SBSPON: variants seen among roughly 807,000 people sequenced by gnomAD.
SBSPON encodes the protein somatomedin B and thrombospondin type 1 domain containing.
A neutral mutation model predicts 35.8 loss-of-function variants in SBSPON; 30 were observed. The ratio of observed to expected loss-of-function variants is 0.84; its 90% confidence interval spans 0.63 to 1.14. The LOEUF is 1.14. Among genes scored for constraint, SBSPON ranks in the 50% most tolerant of loss-of-function variants. The probability of loss-of-function intolerance (pLI) is 0.00; values close to 1 mark genes in which losing one functional copy is unlikely to be tolerated. For synonymous variants in SBSPON, 136 were observed against 135.9 expected (o/e 1.00, Z 0.00); for missense variants, 364 against 357.7 (o/e 1.02, Z -0.14).
intron 1 of SBSPON, among the ~76,000 whole-genome samples, chr8:73,088,688 G>GAA (rs138206539): frequency 1.5e-4 from 22 of 150,408 alleles, no homozygotes; most frequent in Non-Finnish European, 2.7e-4. Flanking sequence ...ATCTCAAAAA[G>GAA]AAAAAAAAAG....
In SBSPON at chr8:73,066,719, ACTT is replaced by A. The variant is rs1047444503; in HGVS notation, c.*619_*621del. 7.2e-5 allele frequency: 11 copies of A among 152,130 alleles called. No homozygotes were observed. Among genetic ancestry groups the A allele is most frequent in the African/African-American group, 2.4e-4 (10 of 41,444 alleles). The allele number at this position is 152,130 out of a possible 1,614,324, so 9.4% of individuals were successfully genotyped here. On this transcript the variant is annotated 3_prime_UTR_variant, in exon 5 of 5. Transcript: ENST00000297354. ...CCTACAATGAGCATTTGATCCTTTC[ACTT>A]CTTAAGCAAAAAAAAAATTTCTTCT...
intron 1 of SBSPON, among the ~76,000 whole-genome samples, chr8:73,092,645 G>A (rs1198102751): frequency 1.3e-5 from 2 of 152,130 alleles, no homozygotes; most frequent in East Asian, 1.9e-4. Context: ...CTTGGGGGTG[G>A]GGGGACACTT....
intron 1 of SBSPON, among the ~76,000 whole-genome samples, chr8:73,090,640 A>T (rs968085639): frequency 6.6e-6 from 1 of 152,178 alleles, no homozygotes; most frequent in African/African-American, 2.4e-5. Flanking sequence ...AGGCACAGGG[A>T]ATTTCTCAAC....
At chr8:73,078,334 G>T (rs919875582) in intron 2 of SBSPON, among the ~76,000 whole-genome samples, 4 of 152,208 alleles carry the variant, frequency 2.6e-5, no homozygotes, top group Non-Finnish European at 5.9e-5. Context: ...GGAGGGGAAT[G>T]CTGGGGACCA....
At chr8:73,076,002 A>G (rs1275841822) in intron 2 of SBSPON, among the ~76,000 whole-genome samples, 1 of 152,210 alleles carries the variant, frequency 6.6e-6, no homozygotes, top group East Asian at 1.9e-4. Context: ...TTCAGGGATC[A>G]TGTTTCCTTC....
At chr8:73,075,695 G>A (rs568024770) in intron 2 of SBSPON, 21 of 422,980 alleles carry the variant, frequency 5.0e-5, no homozygotes, top group Admixed American at 2.6e-4. Flanking sequence ...ATTTCATAAC[G>A]CCCTCTGACA....
In SBSPON at chr8:73,065,109, C is replaced by CTGTT. The variant is rs1196721216; in HGVS notation, c.*2228_*2231dup. On this transcript the variant is annotated 3_prime_UTR_variant, in exon 5 of 5. Coordinates refer to ENST00000297354, the MANE Select transcript of SBSPON (RefSeq NM_153225.4). Reference sequence around the variant, plus strand: ...AAAATTAATAACAAGCTTTTCAAAACTGTTATTTAACAGTTAACTCCTCTA... The same window carrying CTGTT: ...AAAATTAATAACAAGCTTTTCAAAACTGTTTGTTATTTAACAGTTAACTCCTCTA... 6 of 152,260 alleles carry CTGTT rather than the reference C, an allele frequency of 3.9e-5. No homozygotes were observed. Among genetic ancestry groups the CTGTT allele is most frequent in the Non-Finnish European group, 8.8e-5 (6 of 68,022 alleles). The allele number at this position is 152,260 out of a possible 1,614,324, so 9.4% of individuals were successfully genotyped here.
Position 73,081,060 on chromosome 8 carries a change from T to G in SBSPON, c.368A>C (p.Glu123Ala). 1.2e-6 allele frequency: 2 copies of G among 1,612,034 alleles called. No individual in the cohort carries two copies. Among genetic ancestry groups the G allele is most frequent in the South Asian group, 2.2e-5 (2 of 90,638 alleles). The part of the protein sequence containing the change: ...PPLEERAGCL[E>A]YSTPQGQDCG... ...GTCCTGGCCCTGCGGGGTGGAGTAC[T>G]CCAGGCAGCCAGCTCTCTCTTCCAG... is the stretch of plus-strand genomic sequence containing the variant. The change falls in exon 2 of 5, where the codon GAG becomes GCG. Residue 123 changes from glutamate to alanine, a missense_variant. Coordinates refer to ENST00000297354, the MANE Select transcript of SBSPON (RefSeq NM_153225.4).
At chr8:73,075,231 G>A (rs572009157) in intron 2 of SBSPON, among the ~76,000 whole-genome samples, 13 of 152,282 alleles carry the variant, frequency 8.5e-5, no homozygotes, top group African/African-American at 2.6e-4. Flanking sequence ...GGATTAGGGT[G>A]CATCCTAAGA....
chr8:73,076,094 A>G (rs1422618180), intron 2 of SBSPON, among the ~76,000 whole-genome samples: 1 of 152,214 alleles, frequency 6.6e-6, no homozygotes, highest in African/African-American at 2.4e-5. Flanking sequence ...GACAGTTAAT[A>G]GCAAAACACT....
chr8:73,090,977 A>G (rs1201816377), intron 1 of SBSPON, among the ~76,000 whole-genome samples: 1 of 152,200 alleles, frequency 6.6e-6, no homozygotes, highest in Non-Finnish European at 1.5e-5. Flanking sequence ...GGGTTTTCCA[A>G]TTCCTGGGAG....
intron 1 of SBSPON, among the ~76,000 whole-genome samples, chr8:73,084,834 G>A (rs1406737866): frequency 6.6e-6 from 1 of 150,846 alleles, no homozygotes; most frequent in Non-Finnish European, 1.5e-5. Context: ...TCCTCACCTT[G>A]TAGCATTGCC....
intron 2 of SBSPON, among the ~76,000 whole-genome samples, chr8:73,075,093 T>C (rs1810567138): frequency 6.6e-6 from 1 of 152,210 alleles, no homozygotes; most frequent in African/African-American, 2.4e-5. Flanking sequence ...TTTTCCAGGC[T>C]GGTCTTCTGG....
chr8:73,079,659 A>AAGACCG, intron 2 of SBSPON, among the ~76,000 whole-genome samples: 1 of 151,628 alleles, frequency 6.6e-6, no homozygotes. Flanking sequence ...CTTCTCCCCC[A>AAGACCG]AGACCGAGGG....
intron 1 of SBSPON, among the ~76,000 whole-genome samples, chr8:73,084,660 C>G (rs982568651): frequency 2.6e-5 from 4 of 152,060 alleles, no homozygotes; most frequent in Admixed American, 2.0e-4. Context: ...GGGTCCCACT[C>G]ACCCTTTAAC....
At position 73,081,086 on chromosome 8, in the gene SBSPON, G is replaced by A. The variant is rs267601989; in HGVS notation, c.342C>T (p.Pro114=). 6.2e-7 allele frequency: 1 copy of A among 1,612,976 alleles called. No homozygotes were observed. The highest frequency in any genetic ancestry group is 2.2e-5 in the East Asian group (1 of 44,834). The stretch of plus-strand genomic sequence containing the variant: ...CCAGGCAGCCAGCTCTCTCTTCCAG[G>A]GGTGGGCAGGGCGCCCCGCCGTTCT... ...EPQNGGAPCP[P]LEERAGCLEY... The change falls in exon 2 of 5, where the codon CCC becomes CCT. Residue 114 remains proline (P), a synonymous_variant. Transcript: ENST00000297354.
At chr8:73,079,331 G>A (rs918186502) in intron 2 of SBSPON, among the ~76,000 whole-genome samples, 1 of 151,954 alleles carries the variant, frequency 6.6e-6, no homozygotes, top group Non-Finnish European at 1.5e-5. Flanking sequence ...AGGAGTTGCT[G>A]TGCCCTCCTC....
intron 3 of SBSPON, among the ~76,000 whole-genome samples, chr8:73,070,943 T>C (rs1810483601): frequency 6.6e-6 from 1 of 152,200 alleles, no homozygotes; most frequent in African/African-American, 2.4e-5. Context: ...ACAAGTATCT[T>C]TAGTTATTGA....
At chr8:73,079,156 C>T (rs950695045) in intron 2 of SBSPON, among the ~76,000 whole-genome samples, 5 of 152,072 alleles carry the variant, frequency 3.3e-5, no homozygotes, top group Non-Finnish European at 5.9e-5. Flanking sequence ...TGCCTGCACA[C>T]CTGTGAAACT....
Sources: gnomAD v4.1 joint callset for allele counts (sites outside exome capture counted in the v4.1 genomes callset) on GRCh38, gnomAD v4.1.1 for gene constraint, MANE v1.5 for transcripts, NCBI Gene and HGNC (gene_info 2026-07-23, HGNC 2026-07-21) for gene names.